EPC1: variants seen among roughly 807,000 people sequenced by gnomAD.
EPC1 encodes the protein enhancer of polycomb homolog 1.
In EPC1, 12 loss-of-function variants were observed where a neutral mutation model predicts 98.4. The observed-to-expected ratio is 0.12, with a 90% CI of 0.08 to 0.20. EPC1 has a LOEUF of 0.20. EPC1 is among the 10% of genes least tolerant of loss of function. The pLI, the probability that EPC1 is intolerant of heterozygous loss-of-function variation, is 1.00. For synonymous variants in EPC1, 357 were observed against 363.9 expected (o/e 0.98, Z 0.21); for missense variants, 729 against 990.5 (o/e 0.74, Z 3.54).
At chr10:32,331,308 C>T (rs957733158) in intron 1 of EPC1, among the ~76,000 whole-genome samples, 1 of 150,654 alleles carries the variant, frequency 6.6e-6, no homozygotes, top group African/African-American at 2.4e-5. Context: ...GCCAAGATAG[C>T]ACCATTGCAC....
In EPC1 at chr10:32,293,645, G is replaced by T. The variant is rs1416555502; in HGVS notation, c.406C>A (p.Pro136Thr). ...NKLKKKMDIC[P>T]LQFEEMIDRL... ...TCAATCATCTCCTCAAATTGCAATG[G>T]GCAGATGTCCATTTTCTTTTTCAGT... is the stretch of plus-strand genomic sequence containing the variant. The change falls in exon 3 of 14, where the codon CCA (proline) becomes ACA (threonine). Residue 136 changes from proline (P) to threonine (T), a missense_variant. Transcript: ENST00000319778. 1 of 1,613,406 alleles carries T rather than the reference G, an allele frequency of 6.2e-7. No homozygotes were observed. The highest frequency in any genetic ancestry group is 8.5e-7 in the Non-Finnish European group (1 of 1,179,688).
At chr10:32,373,224 T>C (rs1839799814) in intron 1 of EPC1, among the ~76,000 whole-genome samples, 1 of 152,080 alleles carries the variant, frequency 6.6e-6, no homozygotes, top group Non-Finnish European at 1.5e-5. Flanking sequence ...GGCTGCAAAA[T>C]GGGTATAATG....
chr10:32,328,810 T>C (rs891539696), intron 1 of EPC1, among the ~76,000 whole-genome samples: 3 of 152,184 alleles, frequency 2.0e-5, no homozygotes, highest in Non-Finnish European at 2.9e-5. Flanking sequence ...GAAGTGCTTA[T>C]TGGGGTTATC....
At chr10:32,341,377 A>C (rs540099266) in intron 1 of EPC1, among the ~76,000 whole-genome samples, 4 of 152,226 alleles carry the variant, frequency 2.6e-5, no homozygotes, top group African/African-American at 4.8e-5. Context: ...CTACCAGTAC[A>C]TACCATGACA....
At chr10:32,301,741 C>A (rs572020127) in intron 2 of EPC1, among the ~76,000 whole-genome samples, 1 of 152,240 alleles carries the variant, frequency 6.6e-6, no homozygotes, top group Non-Finnish European at 1.5e-5. Flanking sequence ...AAAAAATGAG[C>A]TTTGATCTAA....
At chr10:32,344,835 C>T (rs1049969492) in intron 1 of EPC1, among the ~76,000 whole-genome samples, 24 of 152,006 alleles carry the variant, frequency 1.6e-4, no homozygotes, top group Non-Finnish European at 3.2e-4. Context: ...ATAAAAATTA[C>T]CCGTAAAATT....
intron 1 of EPC1, among the ~76,000 whole-genome samples, chr10:32,324,288 G>A (rs1193611624): frequency 1.3e-5 from 2 of 151,184 alleles, no homozygotes; most frequent in African/African-American, 4.8e-5. Flanking sequence ...TGGGCATGTG[G>A]TTCACGCCTG....
At chr10:32,364,661 T>C (rs1287320811) in intron 1 of EPC1, among the ~76,000 whole-genome samples, 1 of 152,216 alleles carries the variant, frequency 6.6e-6, no homozygotes, top group East Asian at 1.9e-4. Flanking sequence ...TTGTAGTTTA[T>C]AGAAAATAGG....
chr10:32,371,077 C>T (rs1487604179), intron 1 of EPC1, among the ~76,000 whole-genome samples: 2 of 152,198 alleles, frequency 1.3e-5, no homozygotes, highest in Admixed American at 1.3e-4. Flanking sequence ...TTTCCTCCCT[C>T]ATTTAGGTTG....
rs1430497096 is a variant in EPC1, at chr10:32,271,645, C to A, written c.2278G>T (p.Ala760Ser). ...AGCTTTAAGGCAGATGATGGAACAG[C>A]ACTTAAAGTCCTAGGTATATGTCGT... ...NARHIPRTLS[A>S]VPSSALKLAA... Residue 760 changes from alanine (A) to serine (S), a missense_variant, in exon 13 of 14, where the codon GCT becomes TCT. Physicochemically the swap from Ala to Ser is moderately conservative, Grantham distance 99 (BLOSUM62 1). This residue lies in a region of EPC1 where 156 missense variants were observed against 188.9 expected (regional missense o/e 0.83). Coordinates refer to ENST00000319778, the MANE Select transcript of EPC1 (RefSeq NM_001272004.3). The A allele has an allele frequency of 1.2e-6, 2 of 1,614,048 alleles. No homozygotes were observed. Among genetic ancestry groups the A allele is most frequent in the African/African-American group, 2.7e-5 (2 of 74,922 alleles).
intron 1 of EPC1, among the ~76,000 whole-genome samples, chr10:32,362,370 A>G (rs2490515): frequency 0.77 from 116,913 of 151,872 alleles, 46,292 homozygotes; most frequent in Non-Finnish European, 0.89. Context: ...CTCATGAATG[A>G]TTTAGCACCA....
intron 10 of EPC1, among the ~76,000 whole-genome samples, chr10:32,278,519 C>T: frequency 7.0e-6 from 1 of 142,604 alleles, no homozygotes. Context: ...GTAGCTGGGA[C>T]TACAGGCGCC....
In EPC1 at chr10:32,287,156, T is replaced by C. The variant is rs149122944; in HGVS notation, c.1094A>G (p.Asn365Ser). 2.6e-4 allele frequency: 417 copies of C among 1,614,170 alleles called. 1 individual carries two copies. The African/African-American group carries it at 3.3e-3, about 13-fold the overall frequency. Residue 365 changes from asparagine to serine, a missense_variant, in exon 7 of 14, where the codon AAT becomes AGT. Asn to Ser is a conservative substitution (Grantham distance 46). Around this residue, in one of 6 missense-constraint regions of EPC1, gnomAD observed 390 missense variants for 438.6 expected, o/e 0.89. Transcript: ENST00000319778. Reference protein sequence around the residue: ...QTSPAALPVFNAKDLNQYDFP... With the variant: ...QTSPAALPVFSAKDLNQYDFP... ...GTCATACTGATTCAGATCTTTAGCA[T>C]TGAAGACTGGCAGTGCAGCAGGACT...
intron 1 of EPC1, among the ~76,000 whole-genome samples, chr10:32,354,235 T>A (rs749700716): frequency 9.9e-5 from 15 of 152,178 alleles, no homozygotes; most frequent in Non-Finnish European, 2.1e-4. Flanking sequence ...CAGTTTAACT[T>A]TATCTTCAAT....
chr10:32,342,263 C>T (rs1418289002), intron 1 of EPC1, among the ~76,000 whole-genome samples: 1 of 152,064 alleles, frequency 6.6e-6, no homozygotes, highest in East Asian at 1.9e-4. Flanking sequence ...TTTACAGCTC[C>T]AGATAAAGGG....
intron 1 of EPC1, among the ~76,000 whole-genome samples, chr10:32,355,976 A>G (rs949939385): frequency 6.6e-6 from 1 of 152,154 alleles, no homozygotes; most frequent in African/African-American, 2.4e-5. Flanking sequence ...TGCACATACA[A>G]ATCAGTATGG....
chr10:32,352,657 C>T (rs1839149181), intron 1 of EPC1, among the ~76,000 whole-genome samples: 1 of 152,186 alleles, frequency 6.6e-6, no homozygotes, highest in South Asian at 2.1e-4. Flanking sequence ...TTTCTCATCT[C>T]TGAGCTCCTA....
intron 1 of EPC1, among the ~76,000 whole-genome samples, chr10:32,357,405 A>T (rs1159514406): frequency 1.3e-5 from 2 of 152,224 alleles, no homozygotes; most frequent in Non-Finnish European, 2.9e-5. Flanking sequence ...ATTTATTTAT[A>T]ATAAGGTTAA....
intron 1 of EPC1, among the ~76,000 whole-genome samples, chr10:32,356,929 T>C (rs892224701): frequency 6.6e-6 from 1 of 151,984 alleles, no homozygotes; most frequent in Non-Finnish European, 1.5e-5. Flanking sequence ...TGCAGTGAGC[T>C]GAGATCGCAC....
Sources: gnomAD v4.1 joint callset for allele counts (sites outside exome capture counted in the v4.1 genomes callset) on GRCh38, gnomAD v4.1.1 for gene constraint, gnomAD v4.1.1 regional missense constraint, MANE v1.5 for transcripts, NCBI Gene and HGNC (gene_info 2026-07-23, HGNC 2026-07-21) for gene names.